The following PUM1 variants were observed in gnomAD, a reference collection of about 807,000 sequenced individuals.
PUM1 encodes the protein pumilio RNA binding family member 1.
A neutral mutation model predicts 131.8 loss-of-function variants in PUM1; 13 were observed. The ratio of observed to expected loss-of-function variants is 0.10; its 90% CI spans 0.06 to 0.16. The LOEUF (loss-of-function observed/expected upper bound fraction) is 0.16, where lower values mean the gene tolerates loss of function less well. Ranked by LOEUF, PUM1 falls within the 10% of genes least tolerant of loss-of-function variation. The probability of loss-of-function intolerance (pLI) is 1.00; values close to 1 mark genes in which losing one functional copy is unlikely to be tolerated. For synonymous variants in PUM1, 509 were observed against 556.5 expected (o/e 0.91, Z 1.20); for missense variants, 961 against 1,512.4 (o/e 0.64, Z 6.05).
chr1:31,025,465 A>T (rs1570298100), intron 3 of PUM1, among the ~76,000 whole-genome samples: 3 of 151,924 alleles, frequency 2.0e-5, no homozygotes, highest in Admixed American at 6.6e-5. Flanking sequence ...AATAACTCAA[A>T]CGAAGATATG....
intron 18 of PUM1, among the ~76,000 whole-genome samples, chr1:30,943,208 T>C (rs1639530793): frequency 6.6e-6 from 1 of 152,232 alleles, no homozygotes; most frequent in African/African-American, 2.4e-5. Context: ...GATTCCCATG[T>C]TCATTTACAA....
At chr1:31,001,296 G>C (rs1570245954) in intron 5 of PUM1, among the ~76,000 whole-genome samples, 1 of 152,080 alleles carries the variant, frequency 6.6e-6, no homozygotes, top group Non-Finnish European at 1.5e-5. Flanking sequence ...TTGAACCCAG[G>C]AAGCAGAAGT....
At chr1:31,019,543 T>C (rs886167719) in intron 3 of PUM1, among the ~76,000 whole-genome samples, 1 of 152,234 alleles carries the variant, frequency 6.6e-6, no homozygotes, top group African/African-American at 2.4e-5. Flanking sequence ...ATATCATTCA[T>C]ACTTTCATAA....
chr1:31,021,688 A>G (rs1643032812), intron 3 of PUM1, among the ~76,000 whole-genome samples: 1 of 152,210 alleles, frequency 6.6e-6, no homozygotes, highest in Non-Finnish European at 1.5e-5. Flanking sequence ...GGGCTTTGAT[A>G]AGCCACAGAT....
At position 31,048,707 on chromosome 1, in the gene PUM1, C is replaced by CTCA. The variant is rs1644032076; in HGVS notation, c.363+10494_363+10496dup. The stretch of plus-strand genomic sequence containing the variant: ...GCCAGGACAGTCTCAATCTCCTGAC[C>CTCA]TCATGATCCGCCTGCCTCGGCCTCC... On this transcript the variant is annotated intron_variant, in intron 2 of 21. Coordinates refer to ENST00000426105, the MANE Select transcript of PUM1 (RefSeq NM_001020658.2). Among the ~76,000 whole-genome samples the CTCA allele has an allele frequency of 2.6e-5, 4 of 152,016 alleles. No individual in the cohort carries two copies. The South Asian group carries it at 8.3e-4, about 32-fold the overall frequency.
intron 9 of PUM1, among the ~76,000 whole-genome samples, chr1:30,978,622 G>A (rs1641235391): frequency 6.6e-6 from 1 of 152,228 alleles, no homozygotes. Flanking sequence ...TAGTCATGAT[G>A]AACTTGACTT....
At position 31,037,686 on chromosome 1, in the gene PUM1, G is replaced by A. The variant is rs140791471; in HGVS notation, c.364-8822C>T. ...TGCACCACTGCACTCCAGCCCGGGC[G>A]ACAAAGCACGATTCAGTCTCAAAAA... On this transcript the variant is annotated intron_variant, in intron 2 of 21. Coordinates refer to ENST00000426105, the MANE Select transcript of PUM1 (RefSeq NM_001020658.2). 3.3e-3 allele frequency among the ~76,000 whole-genome samples: 493 copies of A among 150,414 alleles called. 6 individuals carry two copies. Among genetic ancestry groups the A allele is most frequent in the African/African-American group, 0.012 (471 of 40,938 alleles).
chr1:30,932,750 T>G lies in PUM1; in HGVS notation c.*461A>C, dbSNP rs1639012863. 1 of 150,982 alleles carries G rather than the reference T, an allele frequency of 6.6e-6. No homozygotes were observed. Among genetic ancestry groups the G allele is most frequent in the South Asian group, 2.1e-4 (1 of 4,824 alleles). 9.4% of individuals were successfully genotyped at this position (150,982 alleles called of 1,614,324 possible). On this transcript the variant is annotated 3_prime_UTR_variant, in exon 22 of 22. Coordinates refer to ENST00000426105, the MANE Select transcript of PUM1 (RefSeq NM_001020658.2). ...CAGGTTTTTTTGTTTTTGTTTGTTT[T>G]TTACTAAAATGAGGAGGTGGGGAAG...
At chr1:31,028,056 G>A (rs1643288156) in intron 3 of PUM1, among the ~76,000 whole-genome samples, 1 of 152,144 alleles carries the variant, frequency 6.6e-6, no homozygotes, top group Admixed American at 6.5e-5. Context: ...TTCTACCTTT[G>A]TCATCAATAC....
chr1:30,966,021 C>G lies in PUM1; in HGVS notation c.2047G>C (p.Ala683Pro). 6.2e-7 allele frequency: 1 copy of G among 1,614,056 alleles called. No individual in the cohort carries two copies. The highest frequency in any genetic ancestry group is 8.5e-7 in the Non-Finnish European group (1 of 1,179,964). ...CCTCCAAGGGCGGATCCCAGGGTGG[C>G]GCCGAGAGAACTGCTACTTCCGAAT... ...LGFGSSSSLG[A>P]TLGSALGGFG... The change falls in exon 13 of 22, where the codon GCC becomes CCC. Residue 683 changes from alanine to proline, a missense_variant. Physicochemically the swap from Ala to Pro is conservative, Grantham distance 27. This residue lies in a region of PUM1 where 654 missense variants were observed against 923.9 expected (regional missense o/e 0.71). Transcript: ENST00000426105.
intron 2 of PUM1, among the ~76,000 whole-genome samples, chr1:31,050,213 C>T (rs986630660): frequency 2.0e-5 from 3 of 152,052 alleles, no homozygotes; most frequent in Non-Finnish European, 2.9e-5. Flanking sequence ...AGGCCAGGTA[C>T]GTGGCTCACA....
chr1:31,000,053 G>A (rs1284896331), intron 5 of PUM1, among the ~76,000 whole-genome samples: 1 of 152,218 alleles, frequency 6.6e-6, no homozygotes, highest in Non-Finnish European at 1.5e-5. Flanking sequence ...CTCTGCACCA[G>A]AGATTGATCT....
At chr1:31,001,417 T>C (rs1000013752) in intron 5 of PUM1, among the ~76,000 whole-genome samples, 2 of 152,098 alleles carry the variant, frequency 1.3e-5, no homozygotes, top group African/African-American at 4.8e-5. Context: ...TTGAAACTGC[T>C]GGCCATGTGA....
chr1:31,022,339 T>A (rs1219321976), intron 3 of PUM1, among the ~76,000 whole-genome samples: 1 of 152,182 alleles, frequency 6.6e-6, no homozygotes, highest in Non-Finnish European at 1.5e-5. Context: ...AGGAGGTTGA[T>A]GAAAGGGAAG....
At chr1:31,010,720 G>C (rs997280027) in intron 3 of PUM1, among the ~76,000 whole-genome samples, 1 of 152,182 alleles carries the variant, frequency 6.6e-6, no homozygotes, top group African/African-American at 2.4e-5. Context: ...CTTTCTCCAA[G>C]CAAGTTTGAG....
chr1:30,950,277 G>T lies in PUM1; in HGVS notation c.2722-16C>A. 1 of 1,607,294 alleles carries T rather than the reference G, an allele frequency of 6.2e-7. No individual in the cohort carries two copies. The highest frequency in any genetic ancestry group is 2.2e-5 in the East Asian group (1 of 44,770). On this transcript the variant is annotated splice_polypyrimidine_tract_variant and intron_variant, in intron 16 of 21. Coordinates refer to ENST00000426105, the MANE Select transcript of PUM1 (RefSeq NM_001020658.2). ...GACTGCCAAACTAGACATAATGTGT[G>T]GGTAAACACCATTACTTAAGTAGAA...
intron 11 of PUM1, chr1:30,968,093 G>A: frequency 1.6e-6 from 1 of 613,572 alleles, no homozygotes; most frequent in Non-Finnish European, 3.1e-6. Flanking sequence ...ACAGAAAACA[G>A]ATAATCCACC....
intron 5 of PUM1, among the ~76,000 whole-genome samples, chr1:30,998,840 A>T (rs955362550): frequency 6.6e-6 from 1 of 152,210 alleles, no homozygotes; most frequent in Non-Finnish European, 1.5e-5. Context: ...ATTAATAGAC[A>T]GCAGTATCAG....
chr1:30,941,313 G>C (rs1214216168), intron 19 of PUM1, 41 bp from the exon 20 acceptor site: 1 of 1,587,440 alleles, frequency 6.3e-7, no homozygotes, highest in South Asian at 1.1e-5. Context: ...GTATGTGAAA[G>C]CCAGTTCTGC....
Sources: allele counts gnomAD v4.1 joint callset (sites outside exome capture counted in the v4.1 genomes callset), GRCh38; gene constraint gnomAD v4.1.1; regional missense constraint gnomAD v4.1.1; transcripts MANE v1.5; gene names NCBI Gene and HGNC (gene_info 2026-07-23, HGNC 2026-07-21).